Variants in SPATA22 observed in about 807,000 individuals in gnomAD.
SPATA22 encodes spermatogenesis-associated protein 22.
A neutral mutation model predicts 47.8 loss-of-function variants in SPATA22; 29 were observed. The ratio of observed to expected loss-of-function variants is 0.61; its 90% CI spans 0.45 to 0.83. The LOEUF (loss-of-function observed/expected upper bound fraction) is 0.83, where lower values mean the gene tolerates loss of function less well. SPATA22 is among the 40% of genes least tolerant of loss of function. SPATA22 has a pLI of 0.00. For synonymous variants in SPATA22, 133 were observed against 140.9 expected (o/e 0.94, Z 0.40); for missense variants, 410 against 421.7 (o/e 0.97, Z 0.24).
intron 1 of SPATA22, among the ~76,000 whole-genome samples, chr17:3,506,557 G>A (rs530701774): frequency 6.6e-6 from 1 of 152,282 alleles, no homozygotes; most frequent in East Asian, 1.9e-4. Flanking sequence ...TACATATTAA[G>A]GGAAAGAATA....
intron 1 of SPATA22, among the ~76,000 whole-genome samples, chr17:3,480,948 T>C (rs1403111463): frequency 6.6e-6 from 1 of 152,166 alleles, no homozygotes; most frequent in Admixed American, 6.5e-5. Context: ...AGCAAGACTG[T>C]ATCTCCACAA....
In SPATA22 at chr17:3,462,707, C is replaced by A; in HGVS notation, c.233G>T (p.Gly78Val). The stretch of plus-strand genomic sequence containing the variant: ...CAATGGTTTATATTTCTCCACATAC[C>A]CGGTGTCCACTGTTTTCATTACAGG... ...LAPVMKTVDT[G>V]QIPHSVSRPL... Residue 78 changes from glycine (G) to valine (V), a missense_variant and splice_region_variant, in exon 4 of 9, where the codon GGG becomes GTG. By Grantham distance (109) the Gly-to-Val change is moderately radical (BLOSUM62 -3). Transcript: ENST00000572969. 1.2e-6 allele frequency: 2 copies of A among 1,611,738 alleles called. No individual in the cohort carries two copies. The highest frequency in any genetic ancestry group is 1.7e-6 in the Non-Finnish European group (2 of 1,177,882).
rs1003425059 is a variant in SPATA22, at chr17:3,495,199, G to A, written c.-74+18213C>T. 6.6e-5 allele frequency among the ~76,000 whole-genome samples: 10 copies of A among 152,194 alleles called. No homozygotes were observed. The East Asian group carries it at 1.9e-3, about 29-fold the overall frequency. On this transcript the variant is annotated intron_variant, in intron 1 of 8. Transcript: ENST00000541913. ...AAAGCCAAAGTATCCATTCCCCAGT[G>A]CAAGTGGCCTGCACACTCCCAGACC...
At chr17:3,499,066 G>C (rs1421067148) in intron 1 of SPATA22, 1 of 1,614,056 alleles carries the variant, frequency 6.2e-7, no homozygotes. Flanking sequence ...AATGCAAAAA[G>C]TATTCGCTGC....
chr17:3,489,094 A>G (rs2073775891), intron 1 of SPATA22: 1 of 597,940 alleles, frequency 1.7e-6, no homozygotes, highest in Non-Finnish European at 2.9e-6. Context: ...TTATGTCTCA[A>G]ATATTTTCCA....
intron 1 of SPATA22, among the ~76,000 whole-genome samples, chr17:3,510,140 T>C (rs2074093431): frequency 6.6e-6 from 1 of 152,214 alleles, no homozygotes. Flanking sequence ...GTAGTTTGTT[T>C]TGCTGTGCAG....
At chr17:3,470,648 G>A (rs1206830751) in intron 1 of SPATA22, among the ~76,000 whole-genome samples, 1 of 152,062 alleles carries the variant, frequency 6.6e-6, no homozygotes, top group African/African-American at 2.4e-5. Flanking sequence ...CTACTCGTGA[G>A]GCTGAGGCAG....
chr17:3,465,959 T>C (rs892213775), intron 3 of SPATA22, among the ~76,000 whole-genome samples: 3 of 151,996 alleles, frequency 2.0e-5, no homozygotes, highest in Non-Finnish European at 2.9e-5. Context: ...ATGCTACTTA[T>C]AAAAATATTT....
At chr17:3,489,147 AT>A in intron 1 of SPATA22, 1 of 842,036 alleles carries the variant, frequency 1.2e-6, no homozygotes. Context: ...TAACAACATA[AT>A]TCTAAATCTT....
At chr17:3,493,560 CAAAAAAA>C (rs746229421) in intron 1 of SPATA22, among the ~76,000 whole-genome samples, 6 of 56,384 alleles carry the variant, frequency 1.1e-4, no homozygotes, top group East Asian at 5.6e-4. Flanking sequence ...GGTTCCATCT[CAAAAAAA>C]AAAAAAAAAA....
chr17:3,473,350 AT>A (rs948475006), upstream of SPATA22, among the ~76,000 whole-genome samples: 1 of 152,206 alleles, frequency 6.6e-6, no homozygotes, highest in African/African-American at 2.4e-5. Context: ...GAGACATCTT[AT>A]GTATAATATT....
intron 8 of SPATA22, among the ~76,000 whole-genome samples, chr17:3,442,469 T>C (rs1156729781): frequency 6.6e-6 from 1 of 152,024 alleles, no homozygotes; most frequent in African/African-American, 2.4e-5. Context: ...TTACAAAGTT[T>C]ATGTAGCTCT....
At chr17:3,449,209 T>A (rs1179289571) in intron 5 of SPATA22, 60 bp from the exon 6 acceptor site, 66 of 1,160,340 alleles carry the variant, frequency 5.7e-5, no homozygotes, top group Non-Finnish European at 7.2e-5. Context: ...ACAAAAAAAA[T>A]TAATAATGAA....
chr17:3,505,734 T>TTTTG (rs71153361), intron 1 of SPATA22, among the ~76,000 whole-genome samples: 133,884 of 147,222 alleles, frequency 0.91, 61,575 homozygotes, highest in Non-Finnish European at 0.98. Flanking sequence ...CTTAGGGGTT[T>TTTTG]TTTGTTTGTT....
intron 1 of SPATA22, among the ~76,000 whole-genome samples, chr17:3,477,967 G>A (rs1469421113): frequency 6.6e-6 from 1 of 151,706 alleles, no homozygotes; most frequent in Admixed American, 6.6e-5. Flanking sequence ...CAGATCATGA[G>A]GTCAGGAGAT....
rs786204572 is a variant in SPATA22, at chr17:3,489,249, C to A, written c.-73-19851G>T. On this transcript the variant is annotated intron_variant, in intron 1 of 8. Transcript: ENST00000541913. ...TCTGTACCTAGGTATAGAAGTTGGT[C>A]CTCAGCCTCAAGGGGTTCTGAGAGC... The A allele has an allele frequency of 6.2e-6, 10 of 1,611,524 alleles. No homozygotes were observed. The highest frequency in any genetic ancestry group is 8.5e-6 in the Non-Finnish European group (10 of 1,178,802).
chr17:3,458,630 G>A (rs1163270797), intron 5 of SPATA22, among the ~76,000 whole-genome samples: 2 of 151,940 alleles, frequency 1.3e-5, no homozygotes, highest in African/African-American at 4.8e-5. Flanking sequence ...ATCACATGAG[G>A]TCAGGAGTTG....
chr17:3,478,358 T>C (rs187155940), intron 1 of SPATA22, among the ~76,000 whole-genome samples: 8 of 152,294 alleles, frequency 5.3e-5, no homozygotes, highest in African/African-American at 1.9e-4. Context: ...CTTTATGGAA[T>C]AGATGTTTTT....
intron 5 of SPATA22, among the ~76,000 whole-genome samples, chr17:3,459,724 T>A (rs891283065): frequency 2.0e-5 from 3 of 152,108 alleles, no homozygotes; most frequent in African/African-American, 7.2e-5. Context: ...AAAATTTTTT[T>A]AAGATAACAA....
Sources: allele counts gnomAD v4.1 joint callset (sites outside exome capture counted in the v4.1 genomes callset), GRCh38; gene constraint gnomAD v4.1.1; transcripts MANE v1.5; gene names NCBI Gene and HGNC (gene_info 2026-07-23, HGNC 2026-07-21).